The following PTPRN2 variants were observed in gnomAD, a reference collection of about 807,000 sequenced individuals.
The protein encoded by PTPRN2 is protein tyrosine phosphatase receptor type N2, also known as receptor-type tyrosine-protein phosphatase N2.
PTPRN2 carries 74 observed loss-of-function variants against 118.8 expected under a neutral mutation model. The observed-to-expected ratio is 0.62, with a 90% CI of 0.52 to 0.76. The LOEUF is 0.76. PTPRN2 is among the 30% of genes least tolerant of loss of function. The probability of loss-of-function intolerance (pLI) is 0.00; values close to 1 mark genes in which losing one functional copy is unlikely to be tolerated. For missense variants in PTPRN2, 1,481 were observed against 1,394.4 expected, an observed-to-expected ratio of 1.06 and a Z score of -0.99; for synonymous variants, 641 against 608.0, an observed-to-expected ratio of 1.05 and a Z score of -0.80.
intron 10 of PTPRN2, among the ~76,000 whole-genome samples, chr7:158,091,263 C>T (rs1185150288): frequency 1.3e-5 from 2 of 152,138 alleles, no homozygotes; most frequent in African/African-American, 4.8e-5. Flanking sequence ...AAAGACAGGC[C>T]TCAGGTACTA....
At chr7:157,843,183 GA>G (rs1465997807) in intron 12 of PTPRN2, among the ~76,000 whole-genome samples, 1 of 152,204 alleles carries the variant, frequency 6.6e-6, no homozygotes, top group Non-Finnish European at 1.5e-5. Flanking sequence ...AAATGTGTGA[GA>G]ACCCCTGCTA....
At chr7:157,621,960 G>A (rs899225150) in intron 14 of PTPRN2, among the ~76,000 whole-genome samples, 3 of 151,842 alleles carry the variant, frequency 2.0e-5, no homozygotes, top group Admixed American at 6.6e-5. Context: ...TGCAAAATGC[G>A]GGACAGCTTC....
intron 11 of PTPRN2, among the ~76,000 whole-genome samples, chr7:157,902,181 G>C (rs1047145928): frequency 2.0e-5 from 3 of 152,238 alleles, no homozygotes; most frequent in African/African-American, 4.8e-5. Flanking sequence ...ACTTTCCACT[G>C]GGCCTCCTGT....
chr7:157,998,946 C>T (rs376996375), intron 11 of PTPRN2, among the ~76,000 whole-genome samples: 47 of 151,948 alleles, frequency 3.1e-4, no homozygotes, highest in African/African-American at 8.5e-4. Flanking sequence ...CATCTTTGTG[C>T]GGGGTGCGAG....
At chr7:158,157,321 C>T (rs183675373) in intron 6 of PTPRN2, among the ~76,000 whole-genome samples, 1 of 152,344 alleles carries the variant, frequency 6.6e-6, no homozygotes, top group African/African-American at 2.4e-5. Flanking sequence ...AAATTTCAAC[C>T]CAATTCTCAA....
intron 2 of PTPRN2, among the ~76,000 whole-genome samples, chr7:158,486,853 T>C (rs1452867978): frequency 6.6e-6 from 1 of 152,234 alleles, no homozygotes; most frequent in Non-Finnish European, 1.5e-5. Context: ...TTCACACTGT[T>C]GATCAGTCAT....
chr7:157,786,271 G>T (rs879537160), intron 12 of PTPRN2, among the ~76,000 whole-genome samples: 1 of 152,192 alleles, frequency 6.6e-6, no homozygotes, highest in Non-Finnish European at 1.5e-5. Flanking sequence ...AGTCTTGCTG[G>T]TTTTCTCACC....
chr7:157,782,852 T>G (rs1803766478), intron 12 of PTPRN2, among the ~76,000 whole-genome samples: 1 of 152,252 alleles, frequency 6.6e-6, no homozygotes, highest in Non-Finnish European at 1.5e-5. Context: ...TGACAGAATG[T>G]GCTGGCTGCT....
At chr7:157,766,643 G>A (rs951497760) in intron 12 of PTPRN2, among the ~76,000 whole-genome samples, 2 of 152,198 alleles carry the variant, frequency 1.3e-5, no homozygotes, top group African/African-American at 4.8e-5. Flanking sequence ...CCTGTGCTGC[G>A]GGTCCTATTC....
At chr7:157,875,881 G>A (rs1795732661) in intron 12 of PTPRN2, among the ~76,000 whole-genome samples, 1 of 150,386 alleles carries the variant, frequency 6.6e-6, no homozygotes, top group African/African-American at 2.4e-5. Flanking sequence ...AGGGTCAGGA[G>A]GGGCCGAGCC....
At chr7:158,155,819 A>T (rs1190296427) in intron 6 of PTPRN2, among the ~76,000 whole-genome samples, 2 of 151,690 alleles carry the variant, frequency 1.3e-5, no homozygotes, top group Non-Finnish European at 2.9e-5. Flanking sequence ...CACCATCATC[A>T]CCATCACCCA....
At chr7:158,326,930 T>TACACAC (rs1803620803) in intron 2 of PTPRN2, among the ~76,000 whole-genome samples, 1 of 145,064 alleles carries the variant, frequency 6.9e-6, no homozygotes, top group Admixed American at 6.9e-5. Context: ...CGTTCTCACA[T>TACACAC]GCACACATAC....
intron 3 of PTPRN2, among the ~76,000 whole-genome samples, chr7:158,311,879 A>G (rs1175449540): frequency 6.8e-6 from 1 of 148,060 alleles, no homozygotes; most frequent in Admixed American, 6.6e-5. Context: ...AGACACCCAC[A>G]CACCTGCACG....
chr7:158,387,545 A>C (rs1811543561), intron 2 of PTPRN2, among the ~76,000 whole-genome samples: 15 of 152,270 alleles, frequency 9.9e-5, no homozygotes, highest in East Asian at 1.9e-4. Context: ...GGGGGACTGG[A>C]CTCCAGGGGG....
intron 22 of PTPRN2, among the ~76,000 whole-genome samples, chr7:157,541,159 C>T (rs934685960): frequency 6.6e-5 from 10 of 152,220 alleles, no homozygotes; most frequent in Admixed American, 4.6e-4. Context: ...CACAGCCACC[C>T]GCCTTGGTGG....
intron 12 of PTPRN2, among the ~76,000 whole-genome samples, chr7:157,836,846 TCATCCATCCATC>T (rs879515678): frequency 6.6e-6 from 1 of 151,846 alleles, no homozygotes; most frequent in African/African-American, 2.4e-5. Flanking sequence ...GTGTGTCCAT[TCATCCATCCATC>T]CATCCATCCA....
chr7:157,610,480 C>G lies in PTPRN2; in HGVS notation c.2345-6405G>C, dbSNP rs148673813. On this transcript the variant is annotated intron_variant, in intron 15 of 22. Transcript: ENST00000389418. The surrounding 1 kb of genome is among the most constrained non-coding windows in gnomAD (Gnocchi z 5.1). Reference sequence around the variant, plus strand: ...AGCAGAGAACATGTTCCGGGATGTGCTCCACAGTTGGCACCAGCACCCACA... The same window carrying G: ...AGCAGAGAACATGTTCCGGGATGTGGTCCACAGTTGGCACCAGCACCCACA... Among the ~76,000 whole-genome samples the G allele has an allele frequency of 0.012, 1,810 of 152,286 alleles. 20 individuals are homozygous for G. The highest frequency in any genetic ancestry group is 0.018 in the Non-Finnish European group (1,235 of 68,020).
At chr7:157,656,979 C>A (rs1563311664) in intron 13 of PTPRN2, among the ~76,000 whole-genome samples, 1 of 139,352 alleles carries the variant, frequency 7.2e-6, no homozygotes, top group Non-Finnish European at 1.5e-5. Context: ...ACCACACACA[C>A]CACACACATC....
chr7:157,737,057 A>G (rs897520378), intron 12 of PTPRN2, among the ~76,000 whole-genome samples: 1 of 152,208 alleles, frequency 6.6e-6, no homozygotes. Flanking sequence ...CCAGCAAGAA[A>G]TCACACCAGG....
Sources: allele counts gnomAD v4.1 joint callset (sites outside exome capture counted in the v4.1 genomes callset), GRCh38; gene constraint gnomAD v4.1.1; non-coding constraint Gnocchi (gnomAD v3.1); transcripts MANE v1.5; gene names NCBI Gene and HGNC (gene_info 2026-07-23, HGNC 2026-07-21).